MICA: variants seen among roughly 807,000 people sequenced by gnomAD.
The protein encoded by MICA is HLA class I antigen.
MICA carries 18 observed loss-of-function variants against 34.3 expected under a neutral mutation model. The observed-to-expected ratio is 0.52, with a 90% CI of 0.36 to 0.78. The LOEUF is 0.78. Among genes scored for constraint, MICA ranks in the 30% least tolerant of loss-of-function variants. The pLI, the probability that MICA is intolerant of heterozygous loss-of-function variation, is 0.00. For synonymous variants in MICA, 135 were observed against 156.9 expected, an observed-to-expected ratio of 0.86 and a Z score of 1.04; for missense variants, 333 against 409.4, an observed-to-expected ratio of 0.81 and a Z score of 1.61.
intron 1 of MICA, among the ~76,000 whole-genome samples, chr6:31,404,538 C>T (rs1302398099): frequency 6.6e-6 from 1 of 151,818 alleles, no homozygotes; most frequent in Non-Finnish European, 1.5e-5. Flanking sequence ...CCTGTCCCCG[C>T]CACCGAAGGT....
chr6:31,407,468 T>C (rs1162989895), intron 1 of MICA, among the ~76,000 whole-genome samples: 2 of 151,948 alleles, frequency 1.3e-5, no homozygotes, highest in African/African-American at 4.8e-5. Flanking sequence ...ACTCCTGACC[T>C]CAGGTGATCC....
chr6:31,410,908 G>A (rs1771095074), intron 2 of MICA, 111 bp downstream of exon 2: 6 of 1,475,462 alleles, frequency 4.1e-6, no homozygotes, highest in African/African-American at 2.8e-5. Context: ...CTGGGGGTGA[G>A]GAATGGGGGT....
At chr6:31,414,494 C>T (rs1339888288) in intron 5 of MICA, among the ~76,000 whole-genome samples, 1 of 152,008 alleles carries the variant, frequency 6.6e-6, no homozygotes, top group East Asian at 1.9e-4. Flanking sequence ...GCTGGGCCTG[C>T]TGGGCCCCCC....
At chr6:31,403,532 T>C (rs933642418), upstream of MICA, 7 of 965,944 alleles carry the variant, frequency 7.2e-6, no homozygotes, top group African/African-American at 1.8e-5. The surrounding 1 kb of genome is among the most constrained non-coding windows in gnomAD (Gnocchi z 4.7). Context: ...CCCAGTTTCA[T>C]TGGATGAGCG....
At chr6:31,406,182 C>T (rs1262379990) in intron 1 of MICA, among the ~76,000 whole-genome samples, 2 of 151,728 alleles carry the variant, frequency 1.3e-5, no homozygotes, top group African/African-American at 2.4e-5. Flanking sequence ...TACATCCTCA[C>T]CAGCATTCCT....
chr6:31,407,622 A>G lies in MICA; in HGVS notation c.71-2921A>G, dbSNP rs143835216. On this transcript the variant is annotated intron_variant, in intron 1 of 5. Coordinates refer to ENST00000449934, the MANE Select transcript of MICA (RefSeq NM_001177519.3). Reference sequence around the variant, plus strand: ...TCAGTATTTTATTTTATTTGTAGCTATTGTAAATGGGATTCGTTTCTTGAT... The same window carrying G: ...TCAGTATTTTATTTTATTTGTAGCTGTTGTAAATGGGATTCGTTTCTTGAT... 2.9e-3 allele frequency among the ~76,000 whole-genome samples: 442 copies of G among 152,028 alleles called. 15 individuals are homozygous for G. The South Asian group carries it at 0.062, about 21-fold the overall frequency.
intron 1 of MICA, among the ~76,000 whole-genome samples, chr6:31,409,307 C>CTGTGTGTGTGTGTGTG (rs1491397090): frequency 4.8e-4 from 53 of 110,092 alleles, no homozygotes; most frequent in African/African-American, 1.6e-3. Flanking sequence ...GCCAACCTTG[C>CTGTGTGTGTGTGTGTG]TCTGTGTGTG....
intron 5 of MICA, among the ~76,000 whole-genome samples, chr6:31,414,237 C>G (rs779483549): frequency 3.3e-5 from 5 of 151,720 alleles, no homozygotes; most frequent in Non-Finnish European, 5.9e-5. Flanking sequence ...TTGTAGGTTG[C>G]AAGGGCAGTG....
Position 31,411,595 on chromosome 6 carries a change from G to A in MICA, c.613+236G>A, listed in dbSNP as rs1205181693. On this transcript the variant is annotated intron_variant, in intron 3 of 5. Transcript: ENST00000449934. The surrounding 1 kb of genome is among the most constrained non-coding windows in gnomAD (Gnocchi z 4.3). ...AGAGGACCCTCCGACAGAATCCTGAGCCTGTGGTGGGTGTCAGGCAGGAGA... is the reference window on the plus strand; with the variant it reads ...AGAGGACCCTCCGACAGAATCCTGAACCTGTGGTGGGTGTCAGGCAGGAGA... Among the ~76,000 whole-genome samples the A allele has an allele frequency of 7.9e-5, 12 of 151,852 alleles. No homozygotes were observed. Among genetic ancestry groups the A allele is most frequent in the Non-Finnish European group, 2.9e-5 (2 of 68,010 alleles).
At position 31,403,854 on chromosome 6, in the gene MICA, A is replaced by G. The variant is rs557098199; in HGVS notation, c.70+152A>G. Among the ~76,000 whole-genome samples the G allele has an allele frequency of 9.8e-4, 148 of 151,740 alleles. 1 individual carries two copies. Among genetic ancestry groups the G allele is most frequent in the African/African-American group, 3.4e-3 (142 of 41,280 alleles). On this transcript the variant is annotated intron_variant, in intron 1 of 5. Coordinates refer to ENST00000449934, the MANE Select transcript of MICA (RefSeq NM_001177519.3). The surrounding 1 kb of genome is among the most constrained non-coding windows in gnomAD (Gnocchi z 4.7). ...GCTGGACGCGGCCCGTTACCGCCACACTTCAGCCCTGCTTCCCCGTCACTT... is the reference window on the plus strand; with the variant it reads ...GCTGGACGCGGCCCGTTACCGCCACGCTTCAGCCCTGCTTCCCCGTCACTT...
At chr6:31,412,776 G>A (rs1771274648) in intron 5 of MICA, among the ~76,000 whole-genome samples, 1 of 151,700 alleles carries the variant, frequency 6.6e-6, no homozygotes, top group South Asian at 2.1e-4. Flanking sequence ...CATCCAGGTG[G>A]GGTGAGCTGG....
At position 31,411,162 on chromosome 6, in the gene MICA, T is replaced by G; in HGVS notation, c.416T>G (p.Leu139Arg). The G allele has an allele frequency of 6.2e-7, 1 of 1,612,936 alleles. No homozygotes were observed. Among genetic ancestry groups the G allele is most frequent in the South Asian group, 1.1e-5 (1 of 90,946 alleles). ...CAGCATTTCTACTACGATGGGGAGCTCTTCCTCTCCCAAAACCTGGAGACT... is the reference window on the plus strand; with the variant it reads ...CAGCATTTCTACTACGATGGGGAGCGCTTCCTCTCCCAAAACCTGGAGACT... ...SSQHFYYDGE[L>R]FLSQNLETEE... is the part of the protein sequence containing the mutation. The change falls in exon 3 of 6, where the codon CTC becomes CGC. Residue 139 changes from leucine to arginine, a missense_variant. Leu to Arg is a moderately radical substitution (Grantham distance 102). Transcript: ENST00000449934. This position sits in a 1 kb window ranked among gnomAD's most constrained non-coding sequence, Gnocchi z 4.3.
At chr6:31,406,203 T>C (rs1447092460) in intron 1 of MICA, among the ~76,000 whole-genome samples, 1 of 151,654 alleles carries the variant, frequency 6.6e-6, no homozygotes, top group African/African-American at 2.4e-5. Context: ...TATTTCTACA[T>C]CCTCGCCAGC....
Position 31,411,063 on chromosome 6 carries a change from T to TG in MICA, c.326-4dup. On this transcript the variant is annotated splice_polypyrimidine_tract_variant and intron_variant, in intron 2 of 5. Transcript: ENST00000449934. The surrounding 1 kb of genome is among the most constrained non-coding windows in gnomAD (Gnocchi z 4.3). ...CGGGAATGGAGAAGTCACTGCTGGG[T>TG]GGGGGCAGGCTTGCATTCCCTCCAG... 1 of 1,575,874 alleles carries TG rather than the reference T, an allele frequency of 6.3e-7. No homozygotes were observed. Among genetic ancestry groups the TG allele is most frequent in the Non-Finnish European group, 8.6e-7 (1 of 1,161,354 alleles).
chr6:31,408,489 A>G (rs73400361), intron 1 of MICA, among the ~76,000 whole-genome samples: 8,510 of 151,926 alleles, frequency 0.056, 327 homozygotes, highest in Middle Eastern at 0.072. Flanking sequence ...TGTTTTAACC[A>G]CTTTTAAGTG....
In MICA at chr6:31,412,138, G is replaced by T. The variant is rs1360840387; in HGVS notation, c.805G>T (p.Ala269Ser). The change falls in exon 4 of 6, where the codon GCC becomes TCC. Residue 269 changes from alanine (A) to serine (S), a missense_variant. By Grantham distance (99) the Ala-to-Ser change is moderately conservative. Coordinates refer to ENST00000449934, the MANE Select transcript of MICA (RefSeq NM_001177519.3). ...DGNGTYQTWV[A>S]TRICRGEEQR... The stretch of plus-strand genomic sequence containing the variant: ...GAATGGAACCTACCAGACCTGGGTG[G>T]CCACCAGGATTTGCCGAGGAGAGGA... The T allele has an allele frequency of 6.2e-7, 1 of 1,612,758 alleles. No individual in the cohort carries two copies. The highest frequency in any genetic ancestry group is 8.5e-7 in the Non-Finnish European group (1 of 1,179,912).
At position 31,405,773 on chromosome 6, in the gene MICA, TG is replaced by T. The variant is rs200259241; in HGVS notation, c.70+2072del. ...TATTGTCTCTCCCCATGAGGTCCAT[TG>T]TTTTAAATTTTGGCTGCCACAAATA... On this transcript the variant is annotated intron_variant, in intron 1 of 5. Coordinates refer to ENST00000449934, the MANE Select transcript of MICA (RefSeq NM_001177519.3). 3.8e-3 allele frequency among the ~76,000 whole-genome samples: 584 copies of T among 151,982 alleles called. 15 individuals are homozygous for T. The East Asian group carries it at 0.051, about 13-fold the overall frequency.
At chr6:31,402,735 G>C (rs1229668804), upstream of MICA, among the ~76,000 whole-genome samples, 1 of 151,808 alleles carries the variant, frequency 6.6e-6, no homozygotes, top group East Asian at 1.9e-4. Context: ...AGGAGGAAGA[G>C]AGGATGATAT....
chr6:31,407,322 C>T (rs1408538571), intron 1 of MICA, among the ~76,000 whole-genome samples: 4 of 151,882 alleles, frequency 2.6e-5, no homozygotes, highest in Non-Finnish European at 4.4e-5. Context: ...CCGCAACCTC[C>T]GCCTCCCAGG....
Sources: allele counts gnomAD v4.1 joint callset (sites outside exome capture counted in the v4.1 genomes callset), GRCh38; gene constraint gnomAD v4.1.1; non-coding constraint Gnocchi (gnomAD v3.1); transcripts MANE v1.5; gene names NCBI Gene and HGNC (gene_info 2026-07-23, HGNC 2026-07-21).